Variants in TACR1 observed in about 807,000 individuals in gnomAD.
TACR1 encodes tachykinin receptor 1, also known as substance-P receptor.
Under a neutral mutation model 35.8 loss-of-function variants are expected in TACR1, and 25 were observed. The observed-to-expected ratio is 0.70, with a 90% CI of 0.51 to 0.98. TACR1 has a LOEUF of 0.98. Ranked by LOEUF, TACR1 falls within the 50% of genes least tolerant of loss-of-function variation. The pLI, the probability that TACR1 is intolerant of heterozygous loss-of-function variation, is 0.00. For missense variants in TACR1, 478 were observed against 522.9 expected (o/e 0.91, Z 0.84); for synonymous variants, 195 against 206.7 (o/e 0.94, Z 0.48).
At chr2:75,101,438 T>C (rs565273485) in intron 2 of TACR1, among the ~76,000 whole-genome samples, 64 of 152,280 alleles carry the variant, frequency 4.2e-4, no homozygotes, top group African/African-American at 1.5e-3. Flanking sequence ...ATCCTCACAA[T>C]AACTCATGAT....
At chr2:75,059,498 T>A (rs1339594630) in intron 2 of TACR1, among the ~76,000 whole-genome samples, 1 of 152,168 alleles carries the variant, frequency 6.6e-6, no homozygotes, top group African/African-American at 2.4e-5. Context: ...TGGCCTGCAG[T>A]GCAGCTTTGG....
At chr2:75,193,078 A>G (rs1260109881) in intron 1 of TACR1, among the ~76,000 whole-genome samples, 1 of 150,544 alleles carries the variant, frequency 6.6e-6, no homozygotes, top group South Asian at 2.1e-4. Flanking sequence ...TCTCCCCTCC[A>G]TCCTCTCTCC....
intron 2 of TACR1, among the ~76,000 whole-genome samples, chr2:75,108,026 A>G (rs763751638): frequency 5.3e-5 from 8 of 152,106 alleles, no homozygotes; most frequent in Non-Finnish European, 1.2e-4. Context: ...AAATTAACAA[A>G]TTGAAAAAGC....
chr2:75,182,719 G>A (rs1259593585), intron 1 of TACR1, among the ~76,000 whole-genome samples: 1 of 152,170 alleles, frequency 6.6e-6, no homozygotes, highest in Non-Finnish European at 1.5e-5. Flanking sequence ...TAGTCAAGGA[G>A]TAACAGGGTA....
intron 1 of TACR1, among the ~76,000 whole-genome samples, chr2:75,194,935 T>C (rs1384881149): frequency 6.6e-6 from 1 of 152,126 alleles, no homozygotes; most frequent in African/African-American, 2.4e-5. Flanking sequence ...GGCTTGGAGA[T>C]TGCCTCCCTT....
chr2:75,151,290 C>A (rs1674664338), intron 1 of TACR1, among the ~76,000 whole-genome samples: 1 of 152,202 alleles, frequency 6.6e-6, no homozygotes, highest in African/African-American at 2.4e-5. Flanking sequence ...TTCATGGCAG[C>A]CCCTCCGATC....
chr2:75,094,859 A>ATATATATATATATTTTTTTTTTTTTT, intron 2 of TACR1, among the ~76,000 whole-genome samples: 6 of 113,094 alleles, frequency 5.3e-5, no homozygotes, highest in African/African-American at 2.9e-4. Flanking sequence ...ATATATATAT[A>ATATATATATATATTTTTTTTTTTTTT]TTTTTTTTTT....
At chr2:75,113,899 AT>A (rs1050945369) in intron 2 of TACR1, among the ~76,000 whole-genome samples, 1 of 152,148 alleles carries the variant, frequency 6.6e-6, no homozygotes, top group Non-Finnish European at 1.5e-5. Flanking sequence ...TGCTGTAGGT[AT>A]ATTTTTAAAT....
Position 75,051,399 on chromosome 2 carries a change from G to T in TACR1, c.784C>A (p.Leu262Met). 1 of 1,614,174 alleles carries T rather than the reference G, an allele frequency of 6.2e-7. No homozygotes were observed. The highest frequency in any genetic ancestry group is 8.5e-7 in the Non-Finnish European group (1 of 1,180,022). The change falls in exon 4 of 5, where the codon CTG becomes ATG. Residue 262 changes from leucine (L) to methionine (M), a missense_variant. Coordinates refer to ENST00000305249, the MANE Select transcript of TACR1 (RefSeq NM_001058.4). Reference protein sequence around the residue: ...VVVCTFAICWLPFHIFFLLPY... With the variant: ...VVVCTFAICWMPFHIFFLLPY... Reference sequence around the variant, plus strand: ...AGGAGGAAGAAGATGTGGAAGGGCAGCCAGCAGATGGCGAAGGTGCACACC... The same window carrying T: ...AGGAGGAAGAAGATGTGGAAGGGCATCCAGCAGATGGCGAAGGTGCACACC...
At chr2:75,124,641 T>A (rs1011471448) in intron 1 of TACR1, among the ~76,000 whole-genome samples, 1 of 152,234 alleles carries the variant, frequency 6.6e-6, no homozygotes, top group African/African-American at 2.4e-5. Flanking sequence ...TAGTTTCAGT[T>A]GTAATTATCA....
chr2:75,105,650 T>C (rs4852359), intron 2 of TACR1, among the ~76,000 whole-genome samples: 109,793 of 151,780 alleles, frequency 0.72, 40,406 homozygotes, highest in African/African-American at 0.86. Flanking sequence ...TTTTATGAGT[T>C]AAATATACTT....
At chr2:75,089,454 TGAG>T (rs1673259788) in intron 2 of TACR1, among the ~76,000 whole-genome samples, 4 of 152,162 alleles carry the variant, frequency 2.6e-5, no homozygotes, top group Admixed American at 6.5e-5. Context: ...GACAAACCAT[TGAG>T]ATTACGTTAA....
Position 75,049,276 on chromosome 2 carries a change from A to T in TACR1, c.*156T>A. ...GATAGGGAAGAATTGAGATTTTTTG[A>T]CTCAAGGATGGAATGTTTTCCCTAA... On this transcript the variant is annotated 3_prime_UTR_variant, in exon 5 of 5. Transcript: ENST00000305249. 1.3e-6 allele frequency: 1 copy of T among 789,872 alleles called. No homozygotes were observed. Among genetic ancestry groups the T allele is most frequent in the Non-Finnish European group, 2.0e-6 (1 of 511,602 alleles). 48.9% of individuals were successfully genotyped at this position (789,872 alleles called of 1,614,324 possible).
At chr2:75,078,473 T>G (rs1233633706) in intron 2 of TACR1, among the ~76,000 whole-genome samples, 2 of 152,164 alleles carry the variant, frequency 1.3e-5, no homozygotes, top group Non-Finnish European at 2.9e-5. Context: ...TAAAATTATT[T>G]AAAATAATAA....
chr2:75,166,263 T>TA (rs918404060), intron 1 of TACR1, among the ~76,000 whole-genome samples: 4 of 152,224 alleles, frequency 2.6e-5, no homozygotes, highest in African/African-American at 9.6e-5. Context: ...CCATTTTTGA[T>TA]AAAATCTCAG....
intron 2 of TACR1, among the ~76,000 whole-genome samples, chr2:75,095,504 G>A (rs79809954): frequency 4.6e-5 from 7 of 152,176 alleles, no homozygotes; most frequent in Middle Eastern, 3.2e-3. Flanking sequence ...AGGGCGTTTC[G>A]AGAGGGAAGA....
intron 1 of TACR1, among the ~76,000 whole-genome samples, chr2:75,151,686 A>G (rs1674674538): frequency 6.6e-6 from 1 of 152,316 alleles, no homozygotes; most frequent in Non-Finnish European, 1.5e-5. Context: ...TCCTACTGGG[A>G]CACTGCCTAG....
chr2:75,167,585 T>C (rs1675176734), intron 1 of TACR1, among the ~76,000 whole-genome samples: 1 of 152,170 alleles, frequency 6.6e-6, no homozygotes, highest in Non-Finnish European at 1.5e-5. Context: ...TCTGGCACAA[T>C]TGGTAAACTA....
At chr2:75,191,209 C>T (rs949765394) in intron 1 of TACR1, among the ~76,000 whole-genome samples, 13 of 152,154 alleles carry the variant, frequency 8.5e-5, no homozygotes. Flanking sequence ...ACTTCACATG[C>T]ACCACTTCAT....
Sources: gnomAD v4.1 joint callset for allele counts (sites outside exome capture counted in the v4.1 genomes callset) on GRCh38, gnomAD v4.1.1 for gene constraint, MANE v1.5 for transcripts, NCBI Gene and HGNC (gene_info 2026-07-23, HGNC 2026-07-21) for gene names.